The following WLS variants were observed in gnomAD, a reference collection of about 807,000 sequenced individuals.
WLS encodes the protein Wnt ligand secretion mediator.
WLS carries 23 observed loss-of-function variants against 62.8 expected under a neutral mutation model. That is an observed-to-expected ratio of 0.37 (90% CI 0.26 to 0.52). The LOEUF (loss-of-function observed/expected upper bound fraction) is 0.52, where lower values mean the gene tolerates loss of function less well. Among genes scored for constraint, WLS ranks in the 20% least tolerant of loss-of-function variants. WLS has a pLI of 0.92. For synonymous variants in WLS, 246 were observed against 244.1 expected (o/e 1.01, Z -0.07); for missense variants, 615 against 697.3 (o/e 0.88, Z 1.33).
chr1:68,228,935 G>GAGAATATT (rs1485134352), intron 1 of WLS, among the ~76,000 whole-genome samples: 2 of 140,316 alleles, frequency 1.4e-5, no homozygotes, highest in South Asian at 2.2e-4. Flanking sequence ...GTTGAAATAG[G>GAGAATATT]AGAATATTTA....
At chr1:68,180,510 C>T (rs1357394617) in intron 2 of WLS, among the ~76,000 whole-genome samples, 1 of 152,116 alleles carries the variant, frequency 6.6e-6, no homozygotes, top group African/African-American at 2.4e-5. Context: ...TTCTAGCCCT[C>T]ATAGGCTCCT....
chr1:68,218,979 T>A (rs1213501067), intron 1 of WLS, among the ~76,000 whole-genome samples: 1 of 152,210 alleles, frequency 6.6e-6, no homozygotes, highest in African/African-American at 2.4e-5. Flanking sequence ...TTTAAAAGTT[T>A]ATAGAAAATT....
intron 1 of WLS, among the ~76,000 whole-genome samples, chr1:68,218,694 GTTCCTC>G (rs1649832267): frequency 6.6e-6 from 1 of 152,060 alleles, no homozygotes; most frequent in Admixed American, 6.5e-5. Context: ...ACAGGCCTCC[GTTCCTC>G]TTTGCCTGCA....
chr1:68,205,848 T>G (rs920571953), intron 1 of WLS, among the ~76,000 whole-genome samples: 1 of 152,210 alleles, frequency 6.6e-6, no homozygotes. Context: ...ATGTACTATT[T>G]CCCAGAGATG....
intron 11 of WLS, among the ~76,000 whole-genome samples, chr1:68,130,113 T>A (rs544145860): frequency 1.3e-5 from 2 of 152,282 alleles, no homozygotes; most frequent in African/African-American, 4.8e-5. Flanking sequence ...GAATGCCTAA[T>A]GAGGATGAAG....
chr1:68,215,256 G>T (rs1423964548), intron 1 of WLS, among the ~76,000 whole-genome samples: 1 of 152,182 alleles, frequency 6.6e-6, no homozygotes, highest in Admixed American at 6.5e-5. Flanking sequence ...CCAAGAAGTT[G>T]TATTACTGGG....
intron 1 of WLS, among the ~76,000 whole-genome samples, chr1:68,208,284 A>AC (rs1485426342): frequency 6.6e-6 from 1 of 152,148 alleles, no homozygotes; most frequent in Non-Finnish European, 1.5e-5. Context: ...GGTATTTGCT[A>AC]CCCTTTCCCC....
chr1:68,103,173 C>T (rs1209045210), intron 11 of WLS, among the ~76,000 whole-genome samples: 1 of 152,190 alleles, frequency 6.6e-6, no homozygotes, highest in Admixed American at 6.5e-5. Context: ...ACTCTATTAA[C>T]TAGAACAATA....
intron 11 of WLS, among the ~76,000 whole-genome samples, chr1:68,128,342 A>C (rs947497561): frequency 6.6e-6 from 1 of 152,214 alleles, no homozygotes; most frequent in Non-Finnish European, 1.5e-5. Context: ...AAGCACAAGC[A>C]GTCTAAGCTT....
At chr1:68,223,575 C>A (rs1200388144) in intron 1 of WLS, among the ~76,000 whole-genome samples, 1 of 152,144 alleles carries the variant, frequency 6.6e-6, no homozygotes, top group Non-Finnish European at 1.5e-5. Context: ...TGGGATTAAT[C>A]AAATGGTTTC....
chr1:68,211,970 G>A (rs1649533077), intron 1 of WLS, among the ~76,000 whole-genome samples: 1 of 151,926 alleles, frequency 6.6e-6, no homozygotes, highest in Non-Finnish European at 1.5e-5. Flanking sequence ...AAATAGTGGT[G>A]GTTTAAAAAA....
intron 1 of WLS, among the ~76,000 whole-genome samples, chr1:68,207,886 G>A (rs1466463898): frequency 6.6e-6 from 1 of 152,242 alleles, no homozygotes; most frequent in Non-Finnish European, 1.5e-5. Flanking sequence ...TAATAATAGT[G>A]CTGTCAACAC....
At chr1:68,172,150 T>C (rs9436799) in intron 2 of WLS, among the ~76,000 whole-genome samples, 50,055 of 123,038 alleles carry the variant, frequency 0.41, 8,579 homozygotes, top group Middle Eastern at 0.48. Flanking sequence ...ACATCACACC[T>C]GGGCCTGTTG....
intron 1 of WLS, among the ~76,000 whole-genome samples, chr1:68,224,527 T>A (rs1008138534): frequency 4.6e-5 from 7 of 152,200 alleles, no homozygotes; most frequent in African/African-American, 1.7e-4. Context: ...AATTTCCTAT[T>A]ACAACTCTAA....
Position 68,161,781 on chromosome 1 carries a change from G to T in WLS, c.380-2534C>A, listed in dbSNP as rs1314965276. The T allele has an allele frequency of 8.1e-6, 13 of 1,601,256 alleles. No individual in the cohort carries two copies. The Admixed American group carries it at 1.5e-4, about 19-fold the overall frequency. The stretch of plus-strand genomic sequence containing the variant: ...ATTGCTCGTTGGAGTGCTCTCGATT[G>T]TCCCCGTGTTTTGTGGGCTGGTTGG... On this transcript the variant is annotated intron_variant, in intron 2 of 11. Coordinates refer to ENST00000262348, the MANE Select transcript of WLS (RefSeq NM_024911.7).
intron 2 of WLS, among the ~76,000 whole-genome samples, chr1:68,177,807 T>C (rs1464682142): frequency 6.6e-6 from 1 of 152,224 alleles, no homozygotes; most frequent in Non-Finnish European, 1.5e-5. Flanking sequence ...TATTCACTTA[T>C]ATTGAGCATT....
intron 2 of WLS, among the ~76,000 whole-genome samples, chr1:68,175,673 G>A (rs1647230621): frequency 6.6e-6 from 1 of 152,184 alleles, no homozygotes; most frequent in African/African-American, 2.4e-5. Flanking sequence ...CCTGTCCTCA[G>A]GGCACTTATA....
intron 11 of WLS, among the ~76,000 whole-genome samples, chr1:68,114,424 A>AATG (rs201557714): frequency 6.6e-6 from 1 of 152,166 alleles, no homozygotes; most frequent in Non-Finnish European, 1.5e-5. Flanking sequence ...AAGAATCTAT[A>AATG]ATGATGATGA....
At chr1:68,191,012 C>T (rs143174533) in intron 2 of WLS, among the ~76,000 whole-genome samples, 2,536 of 148,434 alleles carry the variant, frequency 0.017, 66 homozygotes, top group African/African-American at 0.06. Context: ...GAGCCAAGAT[C>T]GTACCATTGC....
Sources: allele counts gnomAD v4.1 joint callset (sites outside exome capture counted in the v4.1 genomes callset), GRCh38; gene constraint gnomAD v4.1.1; transcripts MANE v1.5; gene names NCBI Gene and HGNC (gene_info 2026-07-23, HGNC 2026-07-21).